Variants in ZNF804A observed in about 807,000 individuals in gnomAD.
ZNF804A encodes zinc finger protein 804A.
A neutral mutation model predicts 16.5 loss-of-function variants in ZNF804A; 2 were observed. That is an observed-to-expected ratio of 0.12 (90% confidence interval 0.05 to 0.38). ZNF804A has a LOEUF of 0.38. Among genes scored for constraint, ZNF804A ranks in the 10% least tolerant of loss-of-function variants. The pLI, the probability that ZNF804A is intolerant of heterozygous loss-of-function variation, is 0.99. For missense variants in ZNF804A, 1,473 were observed against 1,390.7 expected, an observed-to-expected ratio of 1.06 and a Z score of -0.94; for synonymous variants, 534 against 489.6, an observed-to-expected ratio of 1.09 and a Z score of -1.20.
intron 2 of ZNF804A, among the ~76,000 whole-genome samples, chr2:184,872,108 A>C (rs1442683758): frequency 6.6e-6 from 1 of 152,126 alleles, no homozygotes; most frequent in East Asian, 1.9e-4. Flanking sequence ...AAAATGTTAT[A>C]AATATCTTTC....
chr2:184,763,486 C>A (rs1184439367), intron 1 of ZNF804A, among the ~76,000 whole-genome samples: 2 of 151,862 alleles, frequency 1.3e-5, no homozygotes, highest in Non-Finnish European at 2.9e-5. Flanking sequence ...CCTTCATATT[C>A]TTTCCAAACC....
chr2:184,871,501 A>G (rs2105813514), intron 2 of ZNF804A, among the ~76,000 whole-genome samples: 1 of 151,866 alleles, frequency 6.6e-6, no homozygotes, highest in South Asian at 2.1e-4. Context: ...CAAGGTTTTA[A>G]AAATAAACAT....
At chr2:184,790,760 C>A (rs1177285965) in intron 1 of ZNF804A, among the ~76,000 whole-genome samples, 1 of 151,928 alleles carries the variant, frequency 6.6e-6, no homozygotes, top group Non-Finnish European at 1.5e-5. Flanking sequence ...CCTGCCACAA[C>A]GCCCGGCTAA....
chr2:184,698,480 G>A (rs562593160), intron 1 of ZNF804A, among the ~76,000 whole-genome samples: 7 of 152,054 alleles, frequency 4.6e-5, no homozygotes, highest in South Asian at 4.1e-4. Flanking sequence ...AATTTATTCC[G>A]CCTTAACCTT....
rs58199746 is a variant in ZNF804A, at chr2:184,798,006, ATGTGTGTG to A, written c.112-68322_112-68315del. 4.5e-3 allele frequency among the ~76,000 whole-genome samples: 594 copies of A among 133,334 alleles called. 5 individuals carry two copies. Among genetic ancestry groups the A allele is most frequent in the Non-Finnish European group, 5.5e-3 (341 of 62,122 alleles). 87.5% of individuals were successfully genotyped at this position (133,334 alleles called of 152,430 possible). A position where few individuals can be genotyped will look rare whatever the true frequency, so the allele number is the denominator to read the frequency against. On this transcript the variant is annotated intron_variant, in intron 1 of 3. Transcript: ENST00000302277. The stretch of plus-strand genomic sequence containing the variant: ...TGTATACAAAATTCATGGCTGATAT[ATGTGTGTG>A]TGTGTGTGTGTGTGTGTGTGTGTGT...
chr2:184,852,805 A>C lies in ZNF804A; in HGVS notation c.112-13564A>C, dbSNP rs750285441. Among the ~76,000 whole-genome samples the C allele has an allele frequency of 5.9e-4, 89 of 149,828 alleles. 1 individual carries two copies. Among genetic ancestry groups the C allele is most frequent in the Non-Finnish European group, 7.0e-4 (47 of 67,174 alleles). ...ACTCTCCATTCTGATCCATTGGTCT[A>C]TGTGTCTTTTATAATGTTAACAACA... On this transcript the variant is annotated intron_variant, in intron 1 of 3. Transcript: ENST00000302277.
At chr2:184,779,291 C>G (rs1694338527) in intron 1 of ZNF804A, among the ~76,000 whole-genome samples, 1 of 151,594 alleles carries the variant, frequency 6.6e-6, no homozygotes, top group Non-Finnish European at 1.5e-5. Flanking sequence ...TACTTTCATT[C>G]TTTGTTTGTT....
At chr2:184,694,137 T>C (rs972214671) in intron 1 of ZNF804A, among the ~76,000 whole-genome samples, 1 of 151,318 alleles carries the variant, frequency 6.6e-6, no homozygotes, top group Non-Finnish European at 1.5e-5. Context: ...TTAGTAGCGA[T>C]GGGGTTTTAC....
chr2:184,640,437 A>G (rs1274987312), intron 1 of ZNF804A, among the ~76,000 whole-genome samples: 1 of 152,142 alleles, frequency 6.6e-6, no homozygotes, highest in Non-Finnish European at 1.5e-5. Flanking sequence ...AATAGTACCA[A>G]TCAATACTAT....
intron 1 of ZNF804A, among the ~76,000 whole-genome samples, chr2:184,647,772 TGAGA>T (rs1019530003): frequency 6.6e-6 from 1 of 152,152 alleles, no homozygotes; most frequent in Non-Finnish European, 1.5e-5. Context: ...CTGGTATTCC[TGAGA>T]GAGAAAGAAA....
At chr2:184,745,709 G>A (rs1042295314) in intron 1 of ZNF804A, among the ~76,000 whole-genome samples, 2 of 149,936 alleles carry the variant, frequency 1.3e-5, no homozygotes, top group Non-Finnish European at 3.0e-5. Flanking sequence ...CACAGATGTG[G>A]AACCAATGTC....
chr2:184,809,122 G>A (rs1694853830), intron 1 of ZNF804A, among the ~76,000 whole-genome samples: 1 of 151,736 alleles, frequency 6.6e-6, no homozygotes, highest in Non-Finnish European at 1.5e-5. Context: ...AAACAGTTTT[G>A]GAAAGGGATA....
intron 1 of ZNF804A, among the ~76,000 whole-genome samples, chr2:184,763,847 T>G (rs1694077685): frequency 6.6e-6 from 1 of 151,764 alleles, no homozygotes; most frequent in Non-Finnish European, 1.5e-5. Context: ...TTTCACCGTG[T>G]TAGCCAAGAT....
At chr2:184,761,218 T>C (rs781212089) in intron 1 of ZNF804A, among the ~76,000 whole-genome samples, 2 of 152,192 alleles carry the variant, frequency 1.3e-5, no homozygotes, top group Admixed American at 6.5e-5. Flanking sequence ...ACAAAAGTGG[T>C]ATAAAGCCAT....
chr2:184,723,495 T>C (rs1325362081), intron 1 of ZNF804A, among the ~76,000 whole-genome samples: 1 of 151,828 alleles, frequency 6.6e-6, no homozygotes, highest in Non-Finnish European at 1.5e-5. Context: ...TACTTTGGGC[T>C]GTATTGTAAC....
chr2:184,754,537 TATAA>T (rs771456461), intron 1 of ZNF804A, among the ~76,000 whole-genome samples: 3 of 151,928 alleles, frequency 2.0e-5, no homozygotes, highest in Non-Finnish European at 4.4e-5. Context: ...TTGGTTTCTT[TATAA>T]ATGTTTTTTA....
At chr2:184,913,996 C>A (rs1282253038) in intron 2 of ZNF804A, among the ~76,000 whole-genome samples, 1 of 152,112 alleles carries the variant, frequency 6.6e-6, no homozygotes, top group African/African-American at 2.4e-5. Context: ...TGGATTCATT[C>A]TTCTGTATCT....
At chr2:184,702,325 T>C (rs1692932395) in intron 1 of ZNF804A, among the ~76,000 whole-genome samples, 1 of 152,056 alleles carries the variant, frequency 6.6e-6, no homozygotes, top group African/African-American at 2.4e-5. Context: ...TGAATTTACA[T>C]GCAAGAAACT....
chr2:184,776,418 T>C (rs1474445561), intron 1 of ZNF804A, among the ~76,000 whole-genome samples: 2 of 151,504 alleles, frequency 1.3e-5, no homozygotes. Flanking sequence ...GCTCTTGTCA[T>C]TATTGAGTGA....
Sources: allele counts gnomAD v4.1 joint callset (sites outside exome capture counted in the v4.1 genomes callset), GRCh38; gene constraint gnomAD v4.1.1; transcripts MANE v1.5; gene names NCBI Gene and HGNC (gene_info 2026-07-23, HGNC 2026-07-21).